BCAS3: variants seen among roughly 807,000 people sequenced by gnomAD.
BCAS3 encodes the protein BCAS3 microtubule associated cell migration factor, also known as BCAS4/BCAS3 fusion.
Under a neutral mutation model 116.1 loss-of-function variants are expected in BCAS3, and 53 were observed. That is an observed-to-expected ratio of 0.46 (90% CI 0.37 to 0.57). The LOEUF is 0.57. Ranked by LOEUF, BCAS3 falls within the 20% of genes least tolerant of loss-of-function variation. The pLI is 0.00. For missense variants in BCAS3, 917 were observed against 1,165.4 expected, an observed-to-expected ratio of 0.79 and a Z score of 3.10; for synonymous variants, 391 against 408.2, an observed-to-expected ratio of 0.96 and a Z score of 0.51.
chr17:60,806,191 A>G (rs1173671217), intron 6 of BCAS3, among the ~76,000 whole-genome samples: 2 of 151,988 alleles, frequency 1.3e-5, no homozygotes, highest in Non-Finnish European at 2.9e-5. Flanking sequence ...CTAAATTATT[A>G]CATGCTAGGT....
At chr17:60,861,802 A>G (rs990989719) in intron 7 of BCAS3, among the ~76,000 whole-genome samples, 2 of 152,008 alleles carry the variant, frequency 1.3e-5, no homozygotes, top group African/African-American at 4.8e-5. Context: ...ATTGTTTTGA[A>G]TATGTTGAAC....
At position 61,352,487 on chromosome 17, in the gene BCAS3, A is replaced by G. The variant is rs2057906641; in HGVS notation, c.2426-15840A>G. 1.3e-5 allele frequency among the ~76,000 whole-genome samples: 2 copies of G among 151,928 alleles called. No individual in the cohort carries two copies. Among genetic ancestry groups the G allele is most frequent in the Admixed American group, 1.3e-4 (2 of 15,260 alleles). On this transcript the variant is annotated intron_variant, in intron 22 of 23. Coordinates refer to ENST00000407086, the MANE Select transcript of BCAS3 (RefSeq NM_017679.5). This position sits in a 1 kb window ranked among gnomAD's most constrained non-coding sequence, Gnocchi z 4.7. ...AGGCTCTACTGGCCTTTTTGAACTTACTTCTCAGCTAGGGAAATGAATAAC... is the reference window on the plus strand; with the variant it reads ...AGGCTCTACTGGCCTTTTTGAACTTGCTTCTCAGCTAGGGAAATGAATAAC...
chr17:60,723,264 T>C (rs143638512), intron 5 of BCAS3, among the ~76,000 whole-genome samples: 4,722 of 152,172 alleles, frequency 0.031, 236 homozygotes, highest in African/African-American at 0.1. Context: ...CTTGCTCTGT[T>C]GCCCAGGCTG....
rs539842429 is a variant in BCAS3 at position 60,993,585 on chromosome 17, T to G, written c.1486+3350T>G. On this transcript the variant is annotated intron_variant, in intron 15 of 23. Transcript: ENST00000407086. The surrounding 1 kb of genome is among the most constrained non-coding windows in gnomAD (Gnocchi z 4.2). ...AGAGTGATGGTCATTTTTCTTCATGTTTTTTTGTATCTTACATGTCATAAC... is the reference window on the plus strand; with the variant it reads ...AGAGTGATGGTCATTTTTCTTCATGGTTTTTTGTATCTTACATGTCATAAC... 2.6e-5 allele frequency among the ~76,000 whole-genome samples: 4 copies of G among 152,312 alleles called. No homozygotes were observed. The highest frequency in any genetic ancestry group is 9.6e-5 in the African/African-American group (4 of 41,586).
At chr17:60,910,941 C>T (rs1477868440) in intron 12 of BCAS3, among the ~76,000 whole-genome samples, 2 of 151,980 alleles carry the variant, frequency 1.3e-5, no homozygotes, top group South Asian at 2.1e-4. Context: ...ATTCTCTTAT[C>T]TGTGAGGACA....
intron 6 of BCAS3, among the ~76,000 whole-genome samples, chr17:60,791,337 T>C (rs144357687): frequency 6.6e-6 from 1 of 152,314 alleles, no homozygotes; most frequent in Non-Finnish European, 1.5e-5. Context: ...AGGGATCAAT[T>C]AACATGGATT....
chr17:61,160,285 A>AT (rs112652484), intron 22 of BCAS3, among the ~76,000 whole-genome samples: 10,631 of 149,960 alleles, frequency 0.071, 1,229 homozygotes, highest in African/African-American at 0.24. Context: ...GTCTGAGTTA[A>AT]TTTTTTTTTT....
At chr17:60,679,311 A>G in intron 1 of BCAS3, 142 bp from the exon 2 acceptor site, 1 of 589,050 alleles carries the variant, frequency 1.7e-6, no homozygotes, top group Non-Finnish European at 3.0e-6. Flanking sequence ...TTCTGGTGTA[A>G]CAGGAATTTC....
intron 15 of BCAS3, among the ~76,000 whole-genome samples, chr17:60,999,718 T>C (rs548541104): frequency 2.6e-5 from 4 of 152,176 alleles, no homozygotes; most frequent in Non-Finnish European, 4.4e-5. Context: ...AGGAATAGTA[T>C]TGAATCTTTA....
rs1449392917 is a variant in BCAS3 at position 61,205,562 on chromosome 17, T to C, written c.2425+120998T>C. Among the ~76,000 whole-genome samples the C allele has an allele frequency of 6.6e-6, 1 of 152,202 alleles. No individual in the cohort carries two copies. Among genetic ancestry groups the C allele is most frequent in the African/African-American group, 2.4e-5 (1 of 41,454 alleles). ...GACAGTCTCCTCAGCCATAATGTCA[T>C]TGACCTTGACATACTCAGAACAAAT... On this transcript the variant is annotated intron_variant, in intron 22 of 23. Coordinates refer to ENST00000407086, the MANE Select transcript of BCAS3 (RefSeq NM_017679.5). This position sits in a 1 kb window ranked among gnomAD's most constrained non-coding sequence, Gnocchi z 5.2.
Position 61,263,393 on chromosome 17 carries a change from C to T in BCAS3, c.2426-104934C>T, listed in dbSNP as rs140540247. ...AACCTGGACATAGGGGTGAGAGAGC[C>T]AAGGAGAGAAATACCTTGACCTGTT... On this transcript the variant is annotated intron_variant, in intron 22 of 23. Coordinates refer to ENST00000407086, the MANE Select transcript of BCAS3 (RefSeq NM_017679.5). Among the ~76,000 whole-genome samples the T allele has an allele frequency of 2.7e-4, 41 of 152,290 alleles. No homozygotes were observed. In the East Asian group the frequency reaches 7.5e-3, roughly 28 times the overall value.
chr17:61,076,575 CT>C (rs1439976693), intron 20 of BCAS3, among the ~76,000 whole-genome samples: 2 of 152,222 alleles, frequency 1.3e-5, no homozygotes, highest in African/African-American at 4.8e-5. Flanking sequence ...AGAGAAACCA[CT>C]GTCCTTCACT....
chr17:61,345,242 G>C (rs1228554829), intron 22 of BCAS3, among the ~76,000 whole-genome samples: 1 of 152,210 alleles, frequency 6.6e-6, no homozygotes, highest in Non-Finnish European at 1.5e-5. Flanking sequence ...CATCAGAGGA[G>C]ACTCCGCTTC....
chr17:61,213,151 A>T lies in BCAS3; in HGVS notation c.2425+128587A>T, dbSNP rs1304284142. 4.0e-5 allele frequency among the ~76,000 whole-genome samples: 6 copies of T among 151,564 alleles called. No homozygotes were observed. The highest frequency in any genetic ancestry group is 2.1e-4 in the South Asian group (1 of 4,804). ...TTCCTTGTTAAATTGTTATATATAT[A>T]TTTTTGTTTGTTTGTTTGTTTTTTG... On this transcript the variant is annotated intron_variant, in intron 22 of 23. Transcript: ENST00000407086. The surrounding 1 kb of genome is among the most constrained non-coding windows in gnomAD (Gnocchi z 5.4).
At chr17:61,100,434 CTT>C (rs774816283) in intron 22 of BCAS3, among the ~76,000 whole-genome samples, 52 of 152,304 alleles carry the variant, frequency 3.4e-4, no homozygotes, top group Non-Finnish European at 5.6e-4. Flanking sequence ...GTGCCTGACA[CTT>C]TTCATTTCTC....
intron 9 of BCAS3, among the ~76,000 whole-genome samples, chr17:60,878,770 G>A (rs2055852393): frequency 6.6e-6 from 1 of 152,118 alleles, no homozygotes; most frequent in African/African-American, 2.4e-5. Context: ...TATGACATAT[G>A]ATTTTAGGTT....
intron 10 of BCAS3, among the ~76,000 whole-genome samples, chr17:60,894,660 G>A (rs763867493): frequency 2.6e-5 from 4 of 152,258 alleles, no homozygotes; most frequent in Non-Finnish European, 4.4e-5. Flanking sequence ...TAGAGGAAAG[G>A]CTTTTAAATT....
chr17:60,843,515 C>T (rs1402672389), intron 7 of BCAS3, among the ~76,000 whole-genome samples: 3 of 152,148 alleles, frequency 2.0e-5, no homozygotes, highest in South Asian at 2.1e-4. Flanking sequence ...CCACTGCACC[C>T]GGCCATACTA....
At chr17:61,216,439 C>T (rs1006898217) in intron 22 of BCAS3, among the ~76,000 whole-genome samples, 3 of 152,064 alleles carry the variant, frequency 2.0e-5, no homozygotes, top group South Asian at 2.1e-4. Flanking sequence ...CAGCTCAAAT[C>T]GACATATCAA....
Sources: gnomAD v4.1 joint callset for allele counts (sites outside exome capture counted in the v4.1 genomes callset) on GRCh38, gnomAD v4.1.1 for gene constraint, Gnocchi (gnomAD v3.1) non-coding constraint, MANE v1.5 for transcripts, NCBI Gene and HGNC (gene_info 2026-07-23, HGNC 2026-07-21) for gene names.